Variants in IL1RAPL2 observed in about 807,000 individuals in gnomAD.
IL1RAPL2 encodes X-linked interleukin-1 receptor accessory protein-like 2.
In IL1RAPL2, 3 loss-of-function variants were observed where a neutral mutation model predicts 44.1. That is an observed-to-expected ratio of 0.07 (90% CI 0.03 to 0.18). The LOEUF (loss-of-function observed/expected upper bound fraction) is 0.18. Ranked by LOEUF, IL1RAPL2 falls within the 10% of genes least tolerant of loss-of-function variation. The pLI, the probability that IL1RAPL2 is intolerant of heterozygous loss-of-function variation, is 1.00. For missense variants in IL1RAPL2, 391 were observed against 496.4 expected (o/e 0.79, Z 2.02); for synonymous variants, 181 against 178.8 (o/e 1.01, Z -0.10).
intron 6 of IL1RAPL2, among the ~76,000 whole-genome samples, chrX:105,592,073 ACTT>A (rs1169731407): frequency 8.9e-6 from 1 of 111,849 alleles, no homozygotes; most frequent in Non-Finnish European, 1.9e-5. Context: ...GTCTCTAAGA[ACTT>A]CTTTTATCAG....
At chrX:105,074,458 T>A (rs1188035659) in intron 2 of IL1RAPL2, among the ~76,000 whole-genome samples, 1 of 111,713 alleles carries the variant, frequency 9.0e-6, no homozygotes, top group Non-Finnish European at 1.9e-5. Context: ...GCAGTATAGT[T>A]TGAAGTCAGG....
intron 3 of IL1RAPL2, among the ~76,000 whole-genome samples, chrX:105,230,995 A>G (rs1255947635): frequency 8.9e-6 from 1 of 112,122 alleles, no homozygotes; most frequent in Non-Finnish European, 1.9e-5. Context: ...ACCTGCTTCT[A>G]TTATTGAGAT....
At chrX:104,963,415 C>G (rs1461523765) in intron 2 of IL1RAPL2, among the ~76,000 whole-genome samples, 1 of 111,855 alleles carries the variant, frequency 8.9e-6, no homozygotes, top group African/African-American at 3.2e-5. Context: ...TAATTTTCTT[C>G]AGGAAAGTTG....
intron 7 of IL1RAPL2, among the ~76,000 whole-genome samples, chrX:105,718,509 G>A (rs902952015): frequency 1.8e-5 from 2 of 111,226 alleles, no homozygotes; most frequent in Non-Finnish European, 3.8e-5. Flanking sequence ...CATATTTCTA[G>A]GCAAAATACA....
At chrX:104,969,171 A>C (rs2147720247) in intron 2 of IL1RAPL2, among the ~76,000 whole-genome samples, 1 of 111,100 alleles carries the variant, frequency 9.0e-6, no homozygotes, top group African/African-American at 3.3e-5. Context: ...CTCTTACATA[A>C]AAACTAGGCC....
intron 10 of IL1RAPL2, among the ~76,000 whole-genome samples, chrX:105,762,559 A>G (rs1032070171): frequency 1.8e-5 from 2 of 112,059 alleles, no homozygotes; most frequent in African/African-American, 6.5e-5. Context: ...TTCTTTCTCT[A>G]ATTGTTGAAG....
chrX:104,924,220 T>A (rs762792126), intron 2 of IL1RAPL2, among the ~76,000 whole-genome samples: 1 of 111,597 alleles, frequency 9.0e-6, no homozygotes, highest in Non-Finnish European at 1.9e-5. Flanking sequence ...AGTGGGAGAC[T>A]TGAACATTCC....
At chrX:104,942,091 T>C (rs1414153445) in intron 2 of IL1RAPL2, among the ~76,000 whole-genome samples, 1 of 112,087 alleles carries the variant, frequency 8.9e-6, no homozygotes, top group Non-Finnish European at 1.9e-5. Context: ...CATGCTGTTT[T>C]GGTTACTGTA....
chrX:104,988,669 T>C (rs1208712103), intron 2 of IL1RAPL2, among the ~76,000 whole-genome samples: 2 of 112,283 alleles, frequency 1.8e-5, no homozygotes, highest in Non-Finnish European at 3.8e-5. Context: ...TTTATTGAAG[T>C]CTGTGTTTTT....
At chrX:104,928,516 G>A (rs772682773) in intron 2 of IL1RAPL2, among the ~76,000 whole-genome samples, 32 of 111,572 alleles carry the variant, frequency 2.9e-4, no homozygotes, top group Admixed American at 9.6e-4. Flanking sequence ...GGTTGAGGCT[G>A]TGCCGCACTT....
intron 2 of IL1RAPL2, among the ~76,000 whole-genome samples, chrX:104,984,051 T>C: frequency 9.0e-6 from 1 of 111,312 alleles, no homozygotes; most frequent in South Asian, 3.7e-4. Flanking sequence ...GTTGCTGTTA[T>C]TACCTTTAGT....
chrX:105,092,379 C>A (rs1295757264), intron 2 of IL1RAPL2, among the ~76,000 whole-genome samples: 2 of 111,445 alleles, frequency 1.8e-5, no homozygotes, highest in Non-Finnish European at 3.8e-5. Flanking sequence ...AGGGAAGAAG[C>A]ACATATACCA....
chrX:104,711,298 A>G (rs1406111696), intron 2 of IL1RAPL2, among the ~76,000 whole-genome samples: 2 of 111,336 alleles, frequency 1.8e-5, no homozygotes, highest in Non-Finnish European at 3.8e-5. Flanking sequence ...ACACACACCC[A>G]TTAAAGCTAT....
At position 105,271,143 on chromosome X, in the gene IL1RAPL2, G is replaced by C. The variant is rs765012333; in HGVS notation, c.697+3602G>C. Reference sequence around the variant, plus strand: ...TTAATGAAATAATTTCTCCATATATGTCATAGTATTTCTTTAGATAGTTAG... The same window carrying C: ...TTAATGAAATAATTTCTCCATATATCTCATAGTATTTCTTTAGATAGTTAG... On this transcript the variant is annotated intron_variant, in intron 5 of 10. Transcript: ENST00000372582. 2.7e-5 allele frequency among the ~76,000 whole-genome samples: 3 copies of C among 112,284 alleles called. No homozygotes were observed. In the South Asian group the frequency reaches 1.1e-3, roughly 41 times the overall value.
intron 2 of IL1RAPL2, among the ~76,000 whole-genome samples, chrX:104,946,376 T>G (rs1925353319): frequency 1.3e-3 from 1 of 792 alleles, no homozygotes; most frequent in Non-Finnish European, 0.045. Context: ...CAAGACTCCG[T>G]CTCAAAAAAA....
chrX:105,196,677 A>G (rs2033675087), intron 3 of IL1RAPL2, among the ~76,000 whole-genome samples: 1 of 111,250 alleles, frequency 9.0e-6, no homozygotes, highest in African/African-American at 3.3e-5. Context: ...GTAAAAAGCA[A>G]TATGTTTTTT....
chrX:104,855,741 T>C (rs1338449644), intron 2 of IL1RAPL2, among the ~76,000 whole-genome samples: 7 of 100,736 alleles, frequency 6.9e-5, no homozygotes, highest in Non-Finnish European at 1.4e-4. Context: ...GCAATGACAC[T>C]GTAGCCTCGA....
At chrX:104,682,479 AT>A (rs1930905414) in intron 2 of IL1RAPL2, among the ~76,000 whole-genome samples, 1 of 112,448 alleles carries the variant, frequency 8.9e-6, no homozygotes, top group Non-Finnish European at 1.9e-5. Context: ...ATAATGGAAT[AT>A]TAGCTTTTGA....
intron 2 of IL1RAPL2, among the ~76,000 whole-genome samples, chrX:104,766,932 G>C (rs1003415112): frequency 1.8e-5 from 2 of 112,106 alleles, no homozygotes; most frequent in Non-Finnish European, 3.8e-5. Context: ...AGGGTGGCTG[G>C]CCAGTGCTTA....
Sources: allele counts gnomAD v4.1 joint callset (sites outside exome capture counted in the v4.1 genomes callset), GRCh38; gene constraint gnomAD v4.1.1; transcripts MANE v1.5; gene names NCBI Gene and HGNC (gene_info 2026-07-23, HGNC 2026-07-21).